The following CFLAR variants were observed in gnomAD, a reference collection of about 807,000 sequenced individuals.
CFLAR encodes CASP8 and FADD-like apoptosis regulator.
In CFLAR, 14 loss-of-function variants were observed where a neutral mutation model predicts 51.1. The observed-to-expected ratio is 0.27, with a 90% CI of 0.18 to 0.43. The LOEUF is 0.43. Ranked by LOEUF, CFLAR falls within the 20% of genes least tolerant of loss-of-function variation. The pLI is 1.00. For synonymous variants in CFLAR, 210 were observed against 211.6 expected (o/e 0.99, Z 0.06); for missense variants, 390 against 566.5 (o/e 0.69, Z 3.16).
At chr2:201,158,701 C>T (rs965154458) in intron 8 of CFLAR, among the ~76,000 whole-genome samples, 3 of 152,054 alleles carry the variant, frequency 2.0e-5, no homozygotes, top group African/African-American at 7.2e-5. Context: ...GCGTCCAGGC[C>T]TCTTCTACCA....
chr2:201,157,935 G>C (rs1365112840), intron 8 of CFLAR: 4 of 152,222 alleles, frequency 2.6e-5, no homozygotes, highest in Non-Finnish European at 4.4e-5. Flanking sequence ...TGACTCCCTT[G>C]CCACAGGATA....
intron 3 of CFLAR, among the ~76,000 whole-genome samples, chr2:201,135,467 T>TA (rs1369921878): frequency 1.3e-5 from 2 of 152,186 alleles, no homozygotes; most frequent in African/African-American, 2.4e-5. Flanking sequence ...CCAAAAGACT[T>TA]ACCACCACCT....
rs1943887698 is a variant in CFLAR at position 201,169,595 on chromosome 2, A to G, written c.*5622A>G. ...CAAAAGCAATTGCAACAAAAGCAAA[A>G]ATTACAAATGGGATCTAATTAAACT... On this transcript the variant is annotated 3_prime_UTR_variant, in exon 10 of 10. Coordinates refer to ENST00000309955, the MANE Select transcript of CFLAR (RefSeq NM_003879.7). 6.6e-6 allele frequency: 1 copy of G among 152,206 alleles called. No homozygotes were observed. Among genetic ancestry groups the G allele is most frequent in the African/African-American group, 2.4e-5 (1 of 41,448 alleles). 9.4% of individuals were successfully genotyped at this position (152,206 alleles called of 1,614,324 possible).
chr2:201,145,411 A>G lies in CFLAR; in HGVS notation c.640A>G (p.Lys214Glu). Reference sequence around the variant, plus strand: ...TGGGAGAAGTAAAGAACAAAGACTTAAGGAACAGCTTGGCGCTCAACGTAA... The same window carrying G: ...TGGGAGAAGTAAAGAACAAAGACTTGAGGAACAGCTTGGCGCTCAACGTAA... ...HNGRSKEQRL[K>E]EQLGAQQEPV... is the part of the protein sequence containing the mutation. Residue 214 changes from lysine (K) to glutamate (E), a missense_variant, in exon 6 of 10, where the codon AAG becomes GAG. By Grantham distance (56) the Lys-to-Glu change is moderately conservative. Transcript: ENST00000309955. The G allele has an allele frequency of 6.2e-7, 1 of 1,607,722 alleles. No individual in the cohort carries two copies. Among genetic ancestry groups the G allele is most frequent in the Non-Finnish European group, 8.5e-7 (1 of 1,174,736 alleles).
At position 201,175,046 on chromosome 2, in the gene CFLAR, G is replaced by A. The variant is rs2125995321; in HGVS notation, c.*11073G>A. 1 of 152,320 alleles carries A rather than the reference G, an allele frequency of 6.6e-6. No individual in the cohort carries two copies. Among genetic ancestry groups the A allele is most frequent in the Middle Eastern group, 3.4e-3 (1 of 294 alleles). The allele number at this position is 152,320 out of a possible 1,614,324, so 9.4% of individuals were successfully genotyped here. A position where few individuals can be genotyped will look rare whatever the true frequency, so the allele number is the denominator to read the frequency against. ...CATAGCAACTTTCAGAAGTTACCCT[G>A]TATGGTCTAAAAGGTCCAGACCTCC... On this transcript the variant is annotated 3_prime_UTR_variant, in exon 10 of 10. Transcript: ENST00000309955.
intron 9 of CFLAR, among the ~76,000 whole-genome samples, chr2:201,162,188 C>T (rs1435545966): frequency 6.6e-6 from 1 of 152,098 alleles, no homozygotes; most frequent in Non-Finnish European, 1.5e-5. Flanking sequence ...CTGCAACATC[C>T]ACCTCCCGGG....
In CFLAR at chr2:201,138,860, G is replaced by T; in HGVS notation, c.524-1497G>T. On this transcript the variant is annotated intron_variant, in intron 4 of 9. Transcript: ENST00000309955. This position sits in a 1 kb window ranked among gnomAD's most constrained non-coding sequence, Gnocchi z 4.0. ...CTGTCACAGTGTCCATGGGGGAGGA[G>T]ATCAGCGGCGTCTTCAGAGTGACCA... is the stretch of plus-strand genomic sequence containing the variant. The T allele has an allele frequency of 1.4e-6, 1 of 719,270 alleles. No homozygotes were observed. Among genetic ancestry groups the T allele is most frequent in the South Asian group, 1.3e-5 (1 of 74,152 alleles). 44.6% of individuals were successfully genotyped at this position (719,270 alleles called of 1,614,324 possible).
In CFLAR at chr2:201,144,339, C is replaced by T. The variant is rs890579406; in HGVS notation, c.607-1039C>T. On this transcript the variant is annotated intron_variant, in intron 5 of 9. Transcript: ENST00000309955. ...AAGGGTCGGTTTAATCTTTCATTCTCTGATTACTCTTACTCTAGCCCTCAG... is the reference window on the plus strand; with the variant it reads ...AAGGGTCGGTTTAATCTTTCATTCTTTGATTACTCTTACTCTAGCCCTCAG... 3 of 152,216 alleles carry T rather than the reference C, an allele frequency of 2.0e-5. No individual in the cohort carries two copies. The East Asian group carries it at 5.8e-4, about 29-fold the overall frequency. 9.4% of individuals were successfully genotyped at this position (152,216 alleles called of 1,614,324 possible).
intron 4 of CFLAR, chr2:201,139,502 C>T (rs901563331): frequency 6.5e-6 from 1 of 154,058 alleles, no homozygotes; most frequent in African/African-American, 2.4e-5. Context: ...CATCTGTCTC[C>T]TGCCAGTCCC....
intron 1 of CFLAR, among the ~76,000 whole-genome samples, chr2:201,129,054 G>A (rs2125655109): frequency 6.6e-6 from 1 of 152,226 alleles, no homozygotes; most frequent in Non-Finnish European, 1.5e-5. Flanking sequence ...CACCTCCATG[G>A]GGCTCAGGGT....
chr2:201,152,053 C>G (rs1388429115), intron 8 of CFLAR, among the ~76,000 whole-genome samples: 2 of 151,684 alleles, frequency 1.3e-5, no homozygotes, highest in African/African-American at 2.4e-5. Context: ...ATGGTGCGAT[C>G]TTGGCTCACT....
chr2:201,132,701 G>T, intron 2 of CFLAR: 1 of 230,078 alleles, frequency 4.3e-6, no homozygotes. Context: ...TAGTCATTTG[G>T]GTTCTTAAGT....
chr2:201,126,031 G>T (rs1002386879), intron 1 of CFLAR, among the ~76,000 whole-genome samples: 7 of 152,100 alleles, frequency 4.6e-5, no homozygotes, highest in Non-Finnish European at 1.0e-4. Context: ...AGCATGCGCT[G>T]TCTGATTGTT....
In CFLAR at chr2:201,138,618, G is replaced by T; in HGVS notation, c.524-1739G>T. On this transcript the variant is annotated intron_variant, in intron 4 of 9. Coordinates refer to ENST00000309955, the MANE Select transcript of CFLAR (RefSeq NM_003879.7). This position sits in a 1 kb window ranked among gnomAD's most constrained non-coding sequence, Gnocchi z 4.0. ...CACCAGCTTGCTGCCCATGGTACCC[G>T]TCTCAGTGATGGGGATGCCAGAGAA... 6.4e-7 allele frequency: 1 copy of T among 1,551,718 alleles called. No homozygotes were observed. The highest frequency in any genetic ancestry group is 8.8e-7 in the Non-Finnish European group (1 of 1,138,280).
chr2:201,164,878 C>T lies in CFLAR; in HGVS notation c.*905C>T, dbSNP rs184296533. The stretch of plus-strand genomic sequence containing the variant: ...GTAGCATATCTGGTGTCTGGTAAGG[C>T]ATGCTTCCAGATCTTACCAGATGTC... On this transcript the variant is annotated 3_prime_UTR_variant, in exon 10 of 10. Coordinates refer to ENST00000309955, the MANE Select transcript of CFLAR (RefSeq NM_003879.7). The T allele has an allele frequency of 1.0e-3, 155 of 152,300 alleles. No individual in the cohort carries two copies. Among genetic ancestry groups the T allele is most frequent in the African/African-American group, 3.4e-3 (143 of 41,564 alleles). The allele number at this position is 152,300 out of a possible 1,614,324, so 9.4% of individuals were successfully genotyped here.
rs907712651 is a variant in CFLAR at position 201,176,684 on chromosome 2, C to T, written c.*12711C>T. ...CAGCATTAAAACTGTTTTACTCAGA[C>T]CAAGTGCCGTGGCTCATGCCTGTAA... On this transcript the variant is annotated 3_prime_UTR_variant, in exon 10 of 10. Coordinates refer to ENST00000309955, the MANE Select transcript of CFLAR (RefSeq NM_003879.7). 1 of 152,174 alleles carries T rather than the reference C, an allele frequency of 6.6e-6. No individual in the cohort carries two copies. The highest frequency in any genetic ancestry group is 2.4e-5 in the African/African-American group (1 of 41,440). The allele number at this position is 152,174 out of a possible 1,614,324, so 9.4% of individuals were successfully genotyped here. A position where few individuals can be genotyped will look rare whatever the true frequency, so the allele number is the denominator to read the frequency against.
At position 201,167,982 on chromosome 2, in the gene CFLAR, G is replaced by C. The variant is rs1005073076; in HGVS notation, c.*4009G>C. ...TTGGAGGCCGGGTGCGGTGGCTCAC[G>C]CCTATAATCCCAGCCCTTTGGGAGG... On this transcript the variant is annotated 3_prime_UTR_variant, in exon 10 of 10. Transcript: ENST00000309955. 6.6e-6 allele frequency: 1 copy of C among 152,242 alleles called. No individual in the cohort carries two copies. Among genetic ancestry groups the C allele is most frequent in the Admixed American group, 6.5e-5 (1 of 15,284 alleles). 9.4% of individuals were successfully genotyped at this position (152,242 alleles called of 1,614,324 possible). A position where few individuals can be genotyped will look rare whatever the true frequency, so the allele number is the denominator to read the frequency against.
chr2:201,147,422 G>A (rs1004677137), intron 6 of CFLAR, among the ~76,000 whole-genome samples: 2 of 152,046 alleles, frequency 1.3e-5, no homozygotes, highest in Admixed American at 6.6e-5. Context: ...CCAGATACTC[G>A]GGAGGCTGAG....
chr2:201,132,995 C>G, intron 2 of CFLAR, 34 bp from the exon 3 acceptor site: 3 of 1,601,780 alleles, frequency 1.9e-6, no homozygotes, highest in Middle Eastern at 1.7e-4. Context: ...GGACTGATGT[C>G]TGAATTAACT....
Sources: gnomAD v4.1 joint callset for allele counts (sites outside exome capture counted in the v4.1 genomes callset) on GRCh38, gnomAD v4.1.1 for gene constraint, Gnocchi (gnomAD v3.1) non-coding constraint, MANE v1.5 for transcripts, NCBI Gene and HGNC (gene_info 2026-07-23, HGNC 2026-07-21) for gene names.